Variants in MDGA2 observed in about 807,000 individuals in gnomAD.
The protein encoded by MDGA2 is MAM domain containing glycosylphosphatidylinositol anchor 2.
Under a neutral mutation model 117.8 loss-of-function variants are expected in MDGA2, and 40 were observed. The ratio of observed to expected loss-of-function variants is 0.34; its 90% CI spans 0.26 to 0.44. The LOEUF (loss-of-function observed/expected upper bound fraction) is 0.44. Among genes scored for constraint, MDGA2 ranks in the 20% least tolerant of loss-of-function variants. MDGA2 has a pLI of 1.00. For synonymous variants in MDGA2, 452 were observed against 439.0 expected (o/e 1.03, Z -0.37); for missense variants, 1,123 against 1,250.6 (o/e 0.90, Z 1.54).
chr14:46,970,137 T>C (rs564880250), intron 8 of MDGA2, among the ~76,000 whole-genome samples: 213 of 151,720 alleles, frequency 1.4e-3, no homozygotes, highest in Non-Finnish European at 2.6e-3. Flanking sequence ...AAGCAATCTA[T>C]AGATTCAAAG....
At position 47,242,768 on chromosome 14, in the gene MDGA2, G is replaced by A. The variant is rs533969781; in HGVS notation, c.421-24573C>T. ...TGTGCGGCCCGAGCCTCCCCGACGA[G>A]CACCACCCCCTGCTCCAGGGCACCG... On this transcript the variant is annotated intron_variant, in intron 2 of 16. Coordinates refer to ENST00000399232, the MANE Select transcript of MDGA2 (RefSeq NM_001113498.3). Among the ~76,000 whole-genome samples, 354 of 151,942 alleles carry A rather than the reference G, an allele frequency of 2.3e-3. 4 individuals are homozygous for A. Among genetic ancestry groups the A allele is most frequent in the African/African-American group, 8.2e-3 (341 of 41,534 alleles).
chr14:47,168,058 T>C (rs1225640252), intron 3 of MDGA2, among the ~76,000 whole-genome samples: 2 of 152,148 alleles, frequency 1.3e-5, no homozygotes, highest in Non-Finnish European at 2.9e-5. Flanking sequence ...ATATTAGACA[T>C]CTGTTACAGA....
chr14:47,496,981 C>T (rs578088642), intron 1 of MDGA2, among the ~76,000 whole-genome samples: 6 of 151,884 alleles, frequency 4.0e-5, no homozygotes, highest in South Asian at 4.2e-4. Flanking sequence ...CTCTCATGCA[C>T]GTGCAGTTTA....
intron 1 of MDGA2, among the ~76,000 whole-genome samples, chr14:47,374,818 AT>A (rs1891440474): frequency 6.6e-6 from 1 of 152,092 alleles, no homozygotes; most frequent in Non-Finnish European, 1.5e-5. Flanking sequence ...GCCTTCTAAA[AT>A]TTATAACCAA....
At chr14:47,353,033 G>A (rs1890918484) in intron 1 of MDGA2, among the ~76,000 whole-genome samples, 1 of 152,128 alleles carries the variant, frequency 6.6e-6, no homozygotes. Context: ...AGCTTGTAAG[G>A]ATGAGGCAAC....
At chr14:47,408,061 T>TTTC in intron 1 of MDGA2, among the ~76,000 whole-genome samples, 1 of 146,752 alleles carries the variant, frequency 6.8e-6, no homozygotes, top group Non-Finnish European at 1.5e-5. Context: ...TTATTCTTTT[T>TTTC]TTTTTTTTTT....
At chr14:47,360,371 AAATAAATAAATAAAT>A (rs1477634994) in intron 1 of MDGA2, among the ~76,000 whole-genome samples, 33 of 135,630 alleles carry the variant, frequency 2.4e-4, no homozygotes, top group African/African-American at 9.5e-4. Context: ...ATAAATAAAT[AAATAAATAAATAAAT>A]AAATAAAATA....
intron 1 of MDGA2, among the ~76,000 whole-genome samples, chr14:47,413,546 C>T (rs772054315): frequency 1.3e-5 from 2 of 152,048 alleles, no homozygotes; most frequent in East Asian, 1.9e-4. Context: ...AAGAGTCAAA[C>T]GCAGATTACT....
In MDGA2 at chr14:47,471,522, AT is replaced by A. The variant is rs1482230691; in HGVS notation, c.281-169973del. Reference sequence around the variant, plus strand: ...CAAGGAACAATTATATCATGACAGCATTTTCCCCCATTTTTAGAACTAGTCT... The same window carrying A: ...CAAGGAACAATTATATCATGACAGCATTTCCCCCATTTTTAGAACTAGTCT... On this transcript the variant is annotated intron_variant, in intron 1 of 16. Transcript: ENST00000399232. Among the ~76,000 whole-genome samples, 5 of 152,076 alleles carry A rather than the reference AT, an allele frequency of 3.3e-5. No individual in the cohort carries two copies. In the South Asian group the frequency reaches 1.0e-3, roughly 31 times the overall value.
rs117696307 is a variant in MDGA2 at position 46,982,092 on chromosome 14, T to C, written c.1820-24449A>G. Among the ~76,000 whole-genome samples, 1,139 of 152,328 alleles carry C rather than the reference T, an allele frequency of 7.5e-3. 9 individuals are homozygous for C. Among genetic ancestry groups the C allele is most frequent in the African/African-American group, 0.016 (648 of 41,578 alleles). ...TAAATATTAAATACTCTTTCAGACA[T>C]AGTATTTGAGTGATGTCACATACAA... On this transcript the variant is annotated intron_variant, in intron 8 of 16. Coordinates refer to ENST00000399232, the MANE Select transcript of MDGA2 (RefSeq NM_001113498.3).
chr14:47,654,803 G>A (rs1476070149), intron 1 of MDGA2, among the ~76,000 whole-genome samples: 1 of 152,122 alleles, frequency 6.6e-6, no homozygotes, highest in African/African-American at 2.4e-5. Flanking sequence ...AAAAAAGACT[G>A]TGCTCTGAAA....
intron 4 of MDGA2, among the ~76,000 whole-genome samples, chr14:47,140,037 A>G (rs1348937479): frequency 1.3e-5 from 2 of 151,758 alleles, no homozygotes; most frequent in African/African-American, 4.8e-5. Context: ...CTTTTCATAG[A>G]TGGCTTCTCT....
At chr14:47,020,545 G>C (rs568835648) in intron 8 of MDGA2, among the ~76,000 whole-genome samples, 5 of 152,278 alleles carry the variant, frequency 3.3e-5, no homozygotes, top group African/African-American at 1.2e-4. Flanking sequence ...CTAAAAGTAT[G>C]TATGAATGTA....
intron 1 of MDGA2, among the ~76,000 whole-genome samples, chr14:47,317,822 C>T (rs1247732178): frequency 6.6e-6 from 1 of 152,110 alleles, no homozygotes; most frequent in Non-Finnish European, 1.5e-5. Flanking sequence ...ATTTTCCACA[C>T]AGACTTTGCC....
At chr14:47,214,515 C>A (rs535666281) in intron 3 of MDGA2, among the ~76,000 whole-genome samples, 32 of 152,086 alleles carry the variant, frequency 2.1e-4, no homozygotes, top group African/African-American at 7.7e-4. Flanking sequence ...GTGGTAGTTC[C>A]TTTATAAAAT....
intron 8 of MDGA2, among the ~76,000 whole-genome samples, chr14:47,001,038 CACTAA>C (rs1249123627): frequency 6.6e-6 from 1 of 151,942 alleles, no homozygotes; most frequent in Non-Finnish European, 1.5e-5. Context: ...AGACTTCGAA[CACTAA>C]ACTAGGGGAG....
At chr14:46,915,816 G>T (rs1178833198) in intron 10 of MDGA2, among the ~76,000 whole-genome samples, 1 of 152,112 alleles carries the variant, frequency 6.6e-6, no homozygotes, top group Non-Finnish European at 1.5e-5. Flanking sequence ...CAATACACTG[G>T]CTGTGCATCA....
chr14:47,468,213 A>G (rs1446988405), intron 1 of MDGA2, among the ~76,000 whole-genome samples: 1 of 152,142 alleles, frequency 6.6e-6, no homozygotes, highest in Non-Finnish European at 1.5e-5. Context: ...CAACTTCGTG[A>G]GCCCTTTTCC....
intron 1 of MDGA2, among the ~76,000 whole-genome samples, chr14:47,434,602 T>A (rs1892861620): frequency 6.6e-6 from 1 of 152,144 alleles, no homozygotes; most frequent in African/African-American, 2.4e-5. Context: ...TAAAGTATTT[T>A]ACAGATAATG....
Sources: allele counts gnomAD v4.1 joint callset (sites outside exome capture counted in the v4.1 genomes callset), GRCh38; gene constraint gnomAD v4.1.1; transcripts MANE v1.5; gene names NCBI Gene and HGNC (gene_info 2026-07-23, HGNC 2026-07-21).